CAMTA1: variants seen among roughly 807,000 people sequenced by gnomAD.
CAMTA1 encodes calmodulin-binding transcription activator 1.
Under a neutral mutation model 170.9 loss-of-function variants are expected in CAMTA1, and 27 were observed. That is an observed-to-expected ratio of 0.16 (90% CI 0.12 to 0.22). The LOEUF is 0.22. Among genes scored for constraint, CAMTA1 ranks in the 10% least tolerant of loss-of-function variants. The pLI is 1.00. For missense variants in CAMTA1, 1,619 were observed against 2,217.2 expected (o/e 0.73, Z 5.42); for synonymous variants, 833 against 891.5 (o/e 0.93, Z 1.17).
chr1:7,637,352 G>A (rs1422096131), intron 6 of CAMTA1, among the ~76,000 whole-genome samples: 1 of 152,254 alleles, frequency 6.6e-6, no homozygotes, highest in Non-Finnish European at 1.5e-5. Context: ...TGGGCGGCCT[G>A]CTGGCCCCTG....
At chr1:7,181,615 G>A (rs1028592477) in intron 4 of CAMTA1, among the ~76,000 whole-genome samples, 1 of 152,068 alleles carries the variant, frequency 6.6e-6, no homozygotes, top group Non-Finnish European at 1.5e-5. Flanking sequence ...GTTTGAGGAC[G>A]CAATAGCAAC....
At position 7,752,482 on chromosome 1, in the gene CAMTA1, A is replaced by G; in HGVS notation, c.4907A>G (p.Gln1636Arg). Reference sequence around the variant, plus strand: ...AGGAGCAGTTTGCTAACCAAAAAGCAGGATCAAGCTGCTCGAAAAATAATG... The same window carrying G: ...AGGAGCAGTTTGCTAACCAAAAAGCGGGATCAAGCTGCTCGAAAAATAATG... ...KLRSSLLTKK[Q>R]DQAARKIMRF... The change falls in exon 21 of 23, where the codon CAG (glutamine) becomes CGG (arginine). Residue 1636 changes from glutamine (Q) to arginine (R), a missense_variant. Gln to Arg is a conservative substitution (Grantham distance 43). Transcript: ENST00000303635. 6.2e-7 allele frequency: 1 copy of G among 1,613,606 alleles called. No individual in the cohort carries two copies. The highest frequency in any genetic ancestry group is 8.5e-7 in the Non-Finnish European group (1 of 1,179,804).
rs2096743113 is a variant in CAMTA1, at chr1:7,732,711, A to G, written c.3066+112A>G. ...TGCTGCTGATGCGGTCCCTGTATTC[A>G]GGCAGAAGGCCTGAGGGAGTACTTT... On this transcript the variant is annotated intron_variant, in intron 12 of 22. Coordinates refer to ENST00000303635, the MANE Select transcript of CAMTA1 (RefSeq NM_015215.4). The surrounding 1 kb of genome is among the most constrained non-coding windows in gnomAD (Gnocchi z 4.1). The G allele has an allele frequency of 1.4e-6, 2 of 1,410,816 alleles. No homozygotes were observed. The highest frequency in any genetic ancestry group is 1.9e-6 in the Non-Finnish European group (2 of 1,061,330). The allele number at this position is 1,410,816 out of a possible 1,614,324, so 87.4% of individuals were successfully genotyped here.
chr1:7,519,932 T>C (rs2094338127), intron 6 of CAMTA1, among the ~76,000 whole-genome samples: 1 of 151,422 alleles, frequency 6.6e-6, no homozygotes, highest in Non-Finnish European at 1.5e-5. Context: ...TCCCTGTTCA[T>C]CTCGGGCACA....
chr1:7,671,421 G>A (rs970336881), intron 10 of CAMTA1, among the ~76,000 whole-genome samples: 4 of 152,202 alleles, frequency 2.6e-5, no homozygotes, highest in African/African-American at 7.2e-5. Context: ...GCAGCAAGGC[G>A]GCCTCTCTGC....
rs1666219590 is a variant in CAMTA1 at position 7,248,821 on chromosome 1, A to G, written c.303-670A>G. Among the ~76,000 whole-genome samples the G allele has an allele frequency of 6.6e-6, 1 of 152,152 alleles. No individual in the cohort carries two copies. The highest frequency in any genetic ancestry group is 1.5e-5 in the Non-Finnish European group (1 of 68,016). ...GGGAGCAAGCCGCTATTTCCCTGAG[A>G]TGCTCTGGCTGTGGACTGAATAGAT... On this transcript the variant is annotated intron_variant, in intron 4 of 22. Transcript: ENST00000303635. The surrounding 1 kb of genome is among the most constrained non-coding windows in gnomAD (Gnocchi z 4.0).
rs1171562995 is a variant in CAMTA1, at chr1:7,681,658, G to A, written c.2914+3925G>A. Among the ~76,000 whole-genome samples the A allele has an allele frequency of 6.6e-6, 1 of 152,226 alleles. No individual in the cohort carries two copies. The highest frequency in any genetic ancestry group is 6.5e-5 in the Admixed American group (1 of 15,290). ...TTTACCCTGGAGACCCACTGGGGAGGATCTCTGGGAAATGTCACTTATACC... is the reference window on the plus strand; with the variant it reads ...TTTACCCTGGAGACCCACTGGGGAGAATCTCTGGGAAATGTCACTTATACC... On this transcript the variant is annotated intron_variant, in intron 11 of 22. Transcript: ENST00000303635. The surrounding 1 kb of genome is among the most constrained non-coding windows in gnomAD (Gnocchi z 4.6).
Position 7,704,759 on chromosome 1 carries a change from C to T in CAMTA1, c.2914+27026C>T, listed in dbSNP as rs541450417. On this transcript the variant is annotated intron_variant, in intron 11 of 22. Coordinates refer to ENST00000303635, the MANE Select transcript of CAMTA1 (RefSeq NM_015215.4). ...GTACCCGGAGCCCCGCGAGTCGTTC[C>T]AGCTGCGGCGAGTGGAGCTGAGCGG... Among the ~76,000 whole-genome samples, 13 of 147,988 alleles carry T rather than the reference C, an allele frequency of 8.8e-5. 1 individual carries two copies. The South Asian group carries it at 2.7e-3, about 31-fold the overall frequency.
chr1:7,420,665 C>T (rs1043996205), intron 5 of CAMTA1, among the ~76,000 whole-genome samples: 1 of 152,184 alleles, frequency 6.6e-6, no homozygotes, highest in East Asian at 1.9e-4. Flanking sequence ...TCCTGGAAAT[C>T]CATGCGTATA....
At chr1:7,712,544 TC>T in intron 11 of CAMTA1, among the ~76,000 whole-genome samples, 1 of 152,220 alleles carries the variant, frequency 6.6e-6, no homozygotes, top group Admixed American at 6.5e-5. Flanking sequence ...GGTCTTGAAC[TC>T]CTGAGCTCAA....
intron 5 of CAMTA1, among the ~76,000 whole-genome samples, chr1:7,324,395 A>T (rs1044783457): frequency 4.1e-5 from 6 of 146,064 alleles, no homozygotes; most frequent in East Asian, 2.0e-4. Context: ...AAAGATTCTT[A>T]AAAAAAATCC....
chr1:7,074,337 C>T (rs937575822), intron 3 of CAMTA1, among the ~76,000 whole-genome samples: 1 of 152,096 alleles, frequency 6.6e-6, no homozygotes, highest in Admixed American at 6.5e-5. Context: ...AGATTAAAGC[C>T]ATTTTGACTT....
chr1:6,943,386 C>T (rs1280804759), intron 3 of CAMTA1, among the ~76,000 whole-genome samples: 1 of 152,076 alleles, frequency 6.6e-6, no homozygotes, highest in East Asian at 1.9e-4. Flanking sequence ...GGAGGAGGCA[C>T]CTGATTTCAG....
intron 3 of CAMTA1, among the ~76,000 whole-genome samples, chr1:6,917,944 G>C (rs1296454708): frequency 2.0e-5 from 3 of 152,126 alleles, no homozygotes; most frequent in Non-Finnish European, 2.9e-5. Context: ...AGACGTTCCA[G>C]GTAGCTGGAC....
chr1:7,632,176 G>A (rs115037235), intron 6 of CAMTA1, among the ~76,000 whole-genome samples: 1,655 of 152,322 alleles, frequency 0.011, 33 homozygotes, highest in African/African-American at 0.038. Flanking sequence ...TGAGGCTTAT[G>A]GGACATTCGG....
At chr1:7,598,924 G>A (rs1016770784) in intron 6 of CAMTA1, among the ~76,000 whole-genome samples, 43 of 152,166 alleles carry the variant, frequency 2.8e-4, no homozygotes, top group Non-Finnish European at 4.0e-4. Context: ...CTTTCGCTGT[G>A]CAGAAGCTCT....
intron 10 of CAMTA1, chr1:7,672,206 G>A (rs1340396207): frequency 1.3e-5 from 5 of 386,666 alleles, no homozygotes; most frequent in Non-Finnish European, 2.6e-5. Context: ...AAGACTGGGG[G>A]TGAGGAGGAA....
intron 7 of CAMTA1, among the ~76,000 whole-genome samples, chr1:7,655,176 ACCTATACACAAACACACACC>A (rs1347345013): frequency 6.9e-6 from 1 of 145,686 alleles, no homozygotes; most frequent in African/African-American, 2.6e-5. Flanking sequence ...ACCCACACAC[ACCTATACACAAACACACACC>A]CCTATACACA....
chr1:7,202,468 G>A (rs938226423), intron 4 of CAMTA1, among the ~76,000 whole-genome samples: 8 of 152,184 alleles, frequency 5.3e-5, no homozygotes, highest in African/African-American at 1.9e-4. Flanking sequence ...CTGTAGAGCA[G>A]TTTGGAGAGT....
Sources: gnomAD v4.1 joint callset for allele counts (sites outside exome capture counted in the v4.1 genomes callset) on GRCh38, gnomAD v4.1.1 for gene constraint, Gnocchi (gnomAD v3.1) non-coding constraint, MANE v1.5 for transcripts, NCBI Gene and HGNC (gene_info 2026-07-23, HGNC 2026-07-21) for gene names.